The following ANKRD36B variants were observed in gnomAD, a reference collection of about 807,000 sequenced individuals.
ANKRD36B encodes ankyrin repeat domain-containing protein 36B.
Under a neutral mutation model 135.7 loss-of-function variants are expected in ANKRD36B, and 37 were observed. The ratio of observed to expected loss-of-function variants is 0.27; its 90% CI spans 0.21 to 0.36. ANKRD36B has a LOEUF of 0.36. ANKRD36B is among the 10% of genes least tolerant of loss of function. ANKRD36B has a pLI of 1.00. For missense variants in ANKRD36B, 549 were observed against 1,037.1 expected (o/e 0.53, Z 6.46); for synonymous variants, 179 against 348.1 (o/e 0.51, Z 5.41).
At chr2:97,550,875 C>G (rs1389575654) in intron 18 of ANKRD36B, among the ~76,000 whole-genome samples, 1 of 151,802 alleles carries the variant, frequency 6.6e-6, no homozygotes, top group African/African-American at 2.4e-5. Context: ...GGGGTCTCCT[C>G]AGTTCTCCTT....
intron 20 of ANKRD36B, among the ~76,000 whole-genome samples, chr2:97,548,064 A>G (rs1313167517): frequency 6.6e-6 from 1 of 151,774 alleles, no homozygotes; most frequent in Non-Finnish European, 1.5e-5. Context: ...ACACCTGAGA[A>G]TCAACGTGAA....
chr2:97,530,391 T>C lies in ANKRD36B; in HGVS notation c.2265+1920A>G, dbSNP rs567169293. Among the ~76,000 whole-genome samples, 2 of 94,012 alleles carry C rather than the reference T, an allele frequency of 2.1e-5. 1 individual carries two copies. The highest frequency in any genetic ancestry group is 1.9e-4 in the Admixed American group (2 of 10,668). The allele number at this position is 94,012 out of a possible 152,430, so 61.7% of individuals were successfully genotyped here. On this transcript the variant is annotated intron_variant, in intron 35 of 43. Transcript: ENST00000359901. ...AACTGGATCCCTTCCTTACACCTTA[T>C]ACAAAAATTAATTCAAGATGGATTA...
intron 6 of ANKRD36B, among the ~76,000 whole-genome samples, chr2:97,574,945 T>G (rs1013669195): frequency 3.3e-5 from 5 of 152,096 alleles, no homozygotes; most frequent in African/African-American, 1.2e-4. Flanking sequence ...GGTAGATTTG[T>G]TCCTCCATAT....
rs1056596131 is a variant in ANKRD36B, at chr2:97,568,116, T to C, written c.764-7256A>G. ...GATATTATTAATCTCTTATTGTGCC[T>C]AATTTATGCATTAAATTTTATTATA... On this transcript the variant is annotated intron_variant, in intron 6 of 43. Transcript: ENST00000359901. 3.2e-4 allele frequency among the ~76,000 whole-genome samples: 49 copies of C among 152,140 alleles called. 2 individuals carry two copies. The highest frequency in any genetic ancestry group is 1.9e-4 in the East Asian group (1 of 5,208).
chr2:97,540,246 A>G lies in ANKRD36B; in HGVS notation c.1886-17T>C, dbSNP rs767661695. ...GAGAAGACACTGAAAAGCAAAAGGG[A>G]TACATAATCACCCACATGCACGTAT... On this transcript the variant is annotated splice_polypyrimidine_tract_variant and intron_variant, in intron 28 of 43. Coordinates refer to ENST00000359901, the MANE Select transcript of ANKRD36B (RefSeq NM_001393939.1). 1.0e-6 allele frequency: 1 copy of G among 966,890 alleles called. No homozygotes were observed. The highest frequency in any genetic ancestry group is 2.5e-5 in the East Asian group (1 of 39,560). 59.9% of individuals were successfully genotyped at this position (966,890 alleles called of 1,614,324 possible).
chr2:97,588,135 T>C (rs1449651614), intron 1 of ANKRD36B, among the ~76,000 whole-genome samples: 2 of 152,132 alleles, frequency 1.3e-5, no homozygotes, highest in East Asian at 3.9e-4. Context: ...CATTTGTGTT[T>C]TTTTCTGTTA....
chr2:97,494,054 C>T (rs959712179), intron 43 of ANKRD36B, among the ~76,000 whole-genome samples: 3 of 107,024 alleles, frequency 2.8e-5, no homozygotes, highest in African/African-American at 7.8e-5. Flanking sequence ...GTTTCCTCAT[C>T]TTCCTGTCTT....
intron 6 of ANKRD36B, among the ~76,000 whole-genome samples, chr2:97,573,218 C>A (rs1445901513): frequency 2.6e-5 from 4 of 152,118 alleles, no homozygotes; most frequent in African/African-American, 9.7e-5. Flanking sequence ...CCAGCTTCAT[C>A]CATGTCCCTA....
chr2:97,587,002 C>T (rs1301759202), intron 1 of ANKRD36B, among the ~76,000 whole-genome samples: 1 of 152,026 alleles, frequency 6.6e-6, no homozygotes, highest in East Asian at 1.9e-4. Context: ...GGTGAAACCC[C>T]GTCTTTACTA....
chr2:97,529,582 G>A, intron 35 of ANKRD36B, among the ~76,000 whole-genome samples: 1 of 95,246 alleles, frequency 1.0e-5, no homozygotes, highest in East Asian at 2.3e-4. Flanking sequence ...GGAAATAAAG[G>A]GTATTCAATT....
chr2:97,547,395 C>T (rs536324550), intron 22 of ANKRD36B, 141 bp downstream of exon 22: 48 of 1,036,524 alleles, frequency 4.6e-5, no homozygotes, highest in South Asian at 7.5e-5. Context: ...CTATCACCCA[C>T]GAACTTATTT....
chr2:97,551,137 A>G (rs1156533967), intron 18 of ANKRD36B, among the ~76,000 whole-genome samples, 152 bp downstream of exon 18: 3 of 151,856 alleles, frequency 2.0e-5, no homozygotes, highest in African/African-American at 7.2e-5. Flanking sequence ...GACCAGCAGT[A>G]TCAGCATAAC....
intron 32 of ANKRD36B, 60 bp from the exon 33 acceptor site, chr2:97,536,556 G>C (rs1321936730): frequency 1.4e-6 from 1 of 721,692 alleles, no homozygotes; most frequent in African/African-American, 1.9e-5. Context: ...CCATACATTC[G>C]TGGAGTGTTA....
rs1391387148 is a variant in ANKRD36B, at chr2:97,538,082, A to G, written c.2089+86T>C. 1.6e-5 allele frequency: 13 copies of G among 790,480 alleles called. 3 individuals are homozygous for G. Among genetic ancestry groups the G allele is most frequent in the South Asian group, 2.8e-5 (2 of 71,726 alleles). The allele number at this position is 790,480 out of a possible 1,614,324, so 49.0% of individuals were successfully genotyped here. ...TGCTGAATCAGAAAGTGCATTTTCAATGAGCCCCCTGCTGATCTATTCAGG... is the reference window on the plus strand; with the variant it reads ...TGCTGAATCAGAAAGTGCATTTTCAGTGAGCCCCCTGCTGATCTATTCAGG... On this transcript the variant is annotated intron_variant, in intron 32 of 43. Transcript: ENST00000359901.
chr2:97,530,615 G>C lies in ANKRD36B; in HGVS notation c.2265+1696C>G, dbSNP rs1394209657. ...AAAGAAACTACCATCAGAGTGAACA[G>C]GCAACCTACAAAATGGGAGAAAATT... is the stretch of plus-strand genomic sequence containing the variant. On this transcript the variant is annotated intron_variant, in intron 35 of 43. Transcript: ENST00000359901. 2.1e-5 allele frequency among the ~76,000 whole-genome samples: 2 copies of C among 95,644 alleles called. 1 individual carries two copies. The highest frequency in any genetic ancestry group is 6.3e-5 in the African/African-American group (2 of 31,842). 62.7% of individuals were successfully genotyped at this position (95,644 alleles called of 152,430 possible). A position where few individuals can be genotyped will look rare whatever the true frequency, so the allele number is the denominator to read the frequency against.
chr2:97,554,795 C>A (rs528638108), intron 14 of ANKRD36B, among the ~76,000 whole-genome samples: 50 of 152,046 alleles, frequency 3.3e-4, no homozygotes, highest in African/African-American at 1.2e-3. Flanking sequence ...ATTATGCTGT[C>A]CCCTGAGCCC....
At chr2:97,582,712 G>A (rs532402028) in intron 3 of ANKRD36B, among the ~76,000 whole-genome samples, 5 of 152,224 alleles carry the variant, frequency 3.3e-5, no homozygotes, top group South Asian at 2.1e-4. Context: ...GTCTCCAAGC[G>A]ATTGTATGTA....
chr2:97,539,973 G>A (rs2079068913), intron 30 of ANKRD36B, 61 bp downstream of exon 30: 1 of 755,122 alleles, frequency 1.3e-6, no homozygotes, highest in Admixed American at 2.7e-5. Context: ...ATTTATTTGG[G>A]GAAGAGAAGT....
In ANKRD36B at chr2:97,558,984, C is replaced by G. The variant is rs761386380; in HGVS notation, c.876G>C (p.Gln292His). 2.5e-6 allele frequency: 4 copies of G among 1,603,484 alleles called. No individual in the cohort carries two copies. Among genetic ancestry groups the G allele is most frequent in the Non-Finnish European group, 3.4e-6 (4 of 1,178,532 alleles). ...EGPISGTVSS[Q>H]KQPAEKATSD... ...TAATTACCTTCTCAGCTGGTTGTTT[C>G]TGAGAAGACACTGAAAAGCAAAAGG... Residue 292 changes from glutamine (Q) to histidine (H), a missense_variant, in exon 9 of 44, where the codon CAG becomes CAC. Coordinates refer to ENST00000359901, the MANE Select transcript of ANKRD36B (RefSeq NM_001393939.1).
Sources: allele counts gnomAD v4.1 joint callset (sites outside exome capture counted in the v4.1 genomes callset), GRCh38; gene constraint gnomAD v4.1.1; transcripts MANE v1.5; gene names NCBI Gene and HGNC (gene_info 2026-07-23, HGNC 2026-07-21).